ITGAD: variants seen among roughly 807,000 people sequenced by gnomAD.
ITGAD encodes the protein integrin subunit alpha D, also known as integrin alpha-D.
ITGAD carries 105 observed loss-of-function variants against 139.0 expected under a neutral mutation model. The ratio of observed to expected loss-of-function variants is 0.76; its 90% CI spans 0.65 to 0.89. The LOEUF is 0.89. Among genes scored for constraint, ITGAD ranks in the 40% least tolerant of loss-of-function variants. ITGAD has a pLI of 0.00. For missense variants in ITGAD, 1,384 were observed against 1,487.3 expected (o/e 0.93, Z 1.14); for synonymous variants, 569 against 598.3 (o/e 0.95, Z 0.71).
At chr16:31,408,567 TGGGAG>T in intron 10 of ITGAD, 69 bp downstream of exon 10, 8 of 1,402,148 alleles carry the variant, frequency 5.7e-6, no homozygotes, top group Non-Finnish European at 8.0e-6. Context: ...GGCTGGGGGC[TGGGAG>T]CCAGACATAA....
intron 5 of ITGAD, among the ~76,000 whole-genome samples, chr16:31,401,412 G>A (rs527795816): frequency 4.6e-5 from 7 of 152,268 alleles, no homozygotes; most frequent in African/African-American, 7.2e-5. Flanking sequence ...TCTGCCTAGC[G>A]TGATTCCTGG....
chr16:31,406,602 G>A (rs1253318236), intron 7 of ITGAD, among the ~76,000 whole-genome samples: 1 of 152,194 alleles, frequency 6.6e-6, no homozygotes, highest in Non-Finnish European at 1.5e-5. Flanking sequence ...CAGGCTTGGT[G>A]GGGACGGCTG....
chr16:31,422,769 G>C (rs1282038102), intron 23 of ITGAD, among the ~76,000 whole-genome samples: 1 of 152,136 alleles, frequency 6.6e-6, no homozygotes, highest in Non-Finnish European at 1.5e-5. Context: ...GCATGGCAGA[G>C]CTAGTGGATC....
intron 16 of ITGAD, 37 bp from the exon 17 acceptor site, chr16:31,414,414 T>C: frequency 6.2e-7 from 1 of 1,603,064 alleles, no homozygotes; most frequent in Non-Finnish European, 8.5e-7. Flanking sequence ...CTAGGTTATT[T>C]CTGCCTTTTC....
At position 31,426,112 on chromosome 16, in the gene ITGAD, A is replaced by C. The variant is rs2082111040; in HGVS notation, c.3470A>C (p.Asn1157Thr). The change falls in exon 30 of 30, where the codon AAT becomes ACT. Residue 1157 changes from asparagine to threonine, a missense_variant. Coordinates refer to ENST00000389202, the MANE Select transcript of ITGAD (RefSeq NM_005353.3). ...GACGATTTCAGCTGTGTGGCCCCAA[A>C]TGTGCCTTTGTCCTAATAATCCACT... ...SGDDFSCVAP[N>T]VPLS 6.2e-7 allele frequency: 1 copy of C among 1,610,126 alleles called. No homozygotes were observed. Among genetic ancestry groups the C allele is most frequent in the Non-Finnish European group, 8.5e-7 (1 of 1,176,452 alleles).
Position 31,424,456 on chromosome 16 carries a change from C to T in ITGAD, c.3262-11C>T, listed in dbSNP as rs765127778. On this transcript the variant is annotated splice_polypyrimidine_tract_variant and intron_variant, in intron 28 of 29. Coordinates refer to ENST00000389202, the MANE Select transcript of ITGAD (RefSeq NM_005353.3). ...GGCATGAGGCCGGATGCTCTCTGATCTCTAAATCAGATGGAGATGGTGCTA... is the reference window on the plus strand; with the variant it reads ...GGCATGAGGCCGGATGCTCTCTGATTTCTAAATCAGATGGAGATGGTGCTA... The T allele has an allele frequency of 1.3e-6, 2 of 1,599,134 alleles. No individual in the cohort carries two copies. The highest frequency in any genetic ancestry group is 1.1e-5 in the South Asian group (1 of 90,638).
At chr16:31,405,381 G>A (rs185273706) in intron 7 of ITGAD, among the ~76,000 whole-genome samples, 2 of 152,092 alleles carry the variant, frequency 1.3e-5, no homozygotes, top group Non-Finnish European at 2.9e-5. Flanking sequence ...AAACCCAAAC[G>A]GCAATAATGG....
intron 7 of ITGAD, among the ~76,000 whole-genome samples, chr16:31,406,222 G>A (rs753610043): frequency 2.6e-5 from 4 of 151,936 alleles, no homozygotes; most frequent in Non-Finnish European, 5.9e-5. Context: ...TTACAGGCAC[G>A]CGCCACCATA....
rs80152569 is a variant in ITGAD at position 31,411,078 on chromosome 16, C to T, written c.1359C>T (p.Ile453=). 115 of 1,612,118 alleles carry T rather than the reference C, an allele frequency of 7.1e-5. 1 individual carries two copies. In the African/African-American group the frequency reaches 1.2e-3, roughly 17 times the overall value. Residue 453 remains isoleucine, a splice_region_variant and synonymous_variant, in exon 13 of 30, where the codon ATC becomes ATT. Transcript: ENST00000389202. ...RKKAEVTGTQ[I]GSYFGASLCS... ...ATGACCCAGGCTCTGCCCTCCAGATCGGCTCCTACTTCGGGGCCTCCCTCT... is the reference window on the plus strand; with the variant it reads ...ATGACCCAGGCTCTGCCCTCCAGATTGGCTCCTACTTCGGGGCCTCCCTCT...
chr16:31,425,573 G>A (rs377459126), intron 29 of ITGAD, among the ~76,000 whole-genome samples: 1 of 152,154 alleles, frequency 6.6e-6, no homozygotes, highest in Non-Finnish European at 1.5e-5. Flanking sequence ...ACAAACGTAA[G>A]TTAGCTTAGT....
At chr16:31,416,692 C>T (rs2081896364) in intron 20 of ITGAD, 46 bp downstream of exon 20, 1 of 1,561,092 alleles carries the variant, frequency 6.4e-7, no homozygotes, top group Non-Finnish European at 8.7e-7. Flanking sequence ...TCTCCCCTGC[C>T]CTGTAGCCCC....
intron 19 of ITGAD, 90 bp from the exon 20 acceptor site, chr16:31,416,415 C>T: frequency 1.3e-6 from 2 of 1,534,956 alleles, no homozygotes; most frequent in Non-Finnish European, 8.9e-7. Flanking sequence ...TGGCCCAGAG[C>T]TCCAGAGTTC....
At position 31,403,655 on chromosome 16, in the gene ITGAD, C is replaced by A. The variant is rs1205366594; in HGVS notation, c.704+10C>A. On this transcript the variant is annotated intron_variant, in intron 7 of 29. Coordinates refer to ENST00000389202, the MANE Select transcript of ITGAD (RefSeq NM_005353.3). The surrounding 1 kb of genome is among the most constrained non-coding windows in gnomAD (Gnocchi z 4.4). ...GCATCCTGACAGTGGTGTAAGCAACCCCGACCCCAGCCTGGCGATGTGACT... is the reference window on the plus strand; with the variant it reads ...GCATCCTGACAGTGGTGTAAGCAACACCGACCCCAGCCTGGCGATGTGACT... 13 of 1,613,932 alleles carry A rather than the reference C, an allele frequency of 8.1e-6. No homozygotes were observed. The South Asian group carries it at 1.4e-4, about 18-fold the overall frequency.
chr16:31,424,509 C>T lies in ITGAD; in HGVS notation c.3304C>T (p.Pro1102Ser), dbSNP rs754633303. ...AGAAGACGAGGTCTACAATGCCATT[C>T]CCATCATCATGGGCAGCTCTGTGGG... Reference protein sequence around the residue: ...LEEDEVYNAIPIIMGSSVGAL... With the variant: ...LEEDEVYNAISIIMGSSVGAL... The change falls in exon 29 of 30, where the codon CCC becomes TCC. Residue 1102 changes from proline to serine, a missense_variant. Coordinates refer to ENST00000389202, the MANE Select transcript of ITGAD (RefSeq NM_005353.3). 1 of 1,613,890 alleles carries T rather than the reference C, an allele frequency of 6.2e-7. No individual in the cohort carries two copies. Among genetic ancestry groups the T allele is most frequent in the African/African-American group, 1.3e-5 (1 of 74,896 alleles).
At chr16:31,416,447 C>T in intron 19 of ITGAD, 58 bp from the exon 20 acceptor site, 1 of 1,581,692 alleles carries the variant, frequency 6.3e-7, no homozygotes. Flanking sequence ...CCCTGCCCTT[C>T]CCAGTTCCCA....
At position 31,410,399 on chromosome 16, in the gene ITGAD, G is replaced by T. The variant is rs779687921; in HGVS notation, c.1088G>T (p.Gly363Val). Residue 363 changes from glycine (G) to valine (V), a missense_variant, in exon 11 of 30, where the codon GGC (glycine) becomes GTC (valine). By Grantham distance (109) the Gly-to-Val change is moderately radical. Transcript: ENST00000389202. ...EGFSTALTMD[G>V]LFLGAVGSFS... Reference sequence around the variant, plus strand: ...CCTGGAATTCTTTCCTCCCAGGATGGCCTCTTCCTGGGGGCTGTGGGGAGC... The same window carrying T: ...CCTGGAATTCTTTCCTCCCAGGATGTCCTCTTCCTGGGGGCTGTGGGGAGC... 1.2e-6 allele frequency: 2 copies of T among 1,613,972 alleles called. No homozygotes were observed. Among genetic ancestry groups the T allele is most frequent in the East Asian group, 2.2e-5 (1 of 44,878 alleles).
At chr16:31,395,484 T>A (rs1277389696) in intron 2 of ITGAD, among the ~76,000 whole-genome samples, 1 of 152,120 alleles carries the variant, frequency 6.6e-6, no homozygotes, top group Non-Finnish European at 1.5e-5. Context: ...GCCCCTGGCA[T>A]GAGCTGGGTA....
At chr16:31,401,276 A>G (rs2081396854) in intron 5 of ITGAD, among the ~76,000 whole-genome samples, 1 of 152,090 alleles carries the variant, frequency 6.6e-6, no homozygotes, top group Non-Finnish European at 1.5e-5. Flanking sequence ...CAAAAAATGA[A>G]AAAACCAGAG....
chr16:31,418,884 C>T (rs572951044), intron 23 of ITGAD, among the ~76,000 whole-genome samples: 13 of 152,166 alleles, frequency 8.5e-5, no homozygotes, highest in Middle Eastern at 3.4e-3. Context: ...ATTAGCTGGG[C>T]GTGGTCATGC....
Sources: allele counts gnomAD v4.1 joint callset (sites outside exome capture counted in the v4.1 genomes callset), GRCh38; gene constraint gnomAD v4.1.1; non-coding constraint Gnocchi (gnomAD v3.1); transcripts MANE v1.5; gene names NCBI Gene and HGNC (gene_info 2026-07-23, HGNC 2026-07-21).